TASP1: variants seen among roughly 807,000 people sequenced by gnomAD.
The protein encoded by TASP1 is threonine aspartase 1.
TASP1 carries 16 observed loss-of-function variants against 56.6 expected under a neutral mutation model. The ratio of observed to expected loss-of-function variants is 0.28; its 90% confidence interval spans 0.19 to 0.43. The LOEUF (loss-of-function observed/expected upper bound fraction) is 0.43. TASP1 is among the 20% of genes least tolerant of loss of function. TASP1 has a pLI of 1.00. For missense variants in TASP1, 393 were observed against 511.6 expected (o/e 0.77, Z 2.24); for synonymous variants, 179 against 184.2 (o/e 0.97, Z 0.23).
the TASP1 span, among the ~76,000 whole-genome samples, chr20:13,216,832 C>T: frequency 6.6e-6 from 1 of 152,072 alleles, no homozygotes; most frequent in Admixed American, 6.5e-5. Flanking sequence ...AAACATCCAG[C>T]CAGCAGACAG....
intron 10 of TASP1, among the ~76,000 whole-genome samples, chr20:13,515,035 C>T (rs1304111643): frequency 6.6e-6 from 1 of 152,114 alleles, no homozygotes; most frequent in African/African-American, 2.4e-5. Flanking sequence ...AAAATAAATA[C>T]ATTTGATTCA....
At chr20:13,216,268 C>A in the TASP1 span, among the ~76,000 whole-genome samples, 1 of 152,104 alleles carries the variant, frequency 6.6e-6, no homozygotes, top group East Asian at 1.9e-4. Context: ...ATTCTTAGCC[C>A]CAACTTACAG....
intron 11 of TASP1, among the ~76,000 whole-genome samples, chr20:13,473,111 G>A (rs1267475369): frequency 1.3e-5 from 2 of 152,120 alleles, no homozygotes; most frequent in African/African-American, 4.8e-5. Flanking sequence ...TGATAGACTG[G>A]ATTAAGAAAA....
intron 9 of TASP1, among the ~76,000 whole-genome samples, chr20:13,531,945 G>A (rs777529228): frequency 2.0e-5 from 3 of 152,168 alleles, no homozygotes; most frequent in Non-Finnish European, 2.9e-5. Flanking sequence ...AATTACAGGC[G>A]TGAGCCACTG....
At chr20:13,258,393 C>T in the TASP1 span, among the ~76,000 whole-genome samples, 3 of 152,130 alleles carry the variant, frequency 2.0e-5, no homozygotes, top group African/African-American at 4.8e-5. Context: ...TTTACTGGCC[C>T]TGGATACTAG....
chr20:13,362,103 GC>G, the TASP1 span, among the ~76,000 whole-genome samples: 3 of 149,326 alleles, frequency 2.0e-5, no homozygotes, highest in Non-Finnish European at 4.4e-5. Flanking sequence ...TTCCCACGCC[GC>G]CCCTAATCCC....
chr20:13,628,192 T>C (rs2048965373), intron 2 of TASP1, among the ~76,000 whole-genome samples: 1 of 152,238 alleles, frequency 6.6e-6, no homozygotes, highest in South Asian at 2.1e-4. Flanking sequence ...CATTATCATC[T>C]AGTCTGTGTC....
intron 13 of TASP1, chr20:13,393,654 C>T: frequency 7.7e-7 from 1 of 1,303,020 alleles, no homozygotes. Context: ...CCTCATGGCC[C>T]ACATGGCCTC....
At chr20:13,324,171 T>G in the TASP1 span, among the ~76,000 whole-genome samples, 1 of 152,202 alleles carries the variant, frequency 6.6e-6, no homozygotes, top group Non-Finnish European at 1.5e-5. Flanking sequence ...TCACGAATGC[T>G]TGTGTACCTG....
At chr20:13,474,629 C>A (rs2044651892) in intron 11 of TASP1, among the ~76,000 whole-genome samples, 1 of 151,972 alleles carries the variant, frequency 6.6e-6, no homozygotes, top group East Asian at 1.9e-4. Context: ...ATAATGACTT[C>A]ATTTCCTTTG....
At chr20:13,164,805 C>T in the TASP1 span, 41 of 1,613,652 alleles carry the variant, frequency 2.5e-5, no homozygotes, top group South Asian at 1.8e-4. Flanking sequence ...GAAATATTCC[C>T]GGCACAAGAA....
chr20:13,154,257 G>C, the TASP1 span: 2 of 1,312,218 alleles, frequency 1.5e-6, no homozygotes, highest in South Asian at 1.4e-5. Context: ...GAATTCACTC[G>C]TACGGCTTCT....
intron 12 of TASP1, among the ~76,000 whole-genome samples, chr20:13,421,953 C>CTTTTTT: frequency 7.2e-6 from 1 of 139,042 alleles, no homozygotes; most frequent in African/African-American, 2.7e-5. Context: ...TCTGTTTAAC[C>CTTTTTT]TTTTTTTTTT....
chr20:13,452,300 C>T (rs773843728), intron 11 of TASP1, among the ~76,000 whole-genome samples: 1 of 151,712 alleles, frequency 6.6e-6, no homozygotes, highest in Non-Finnish European at 1.5e-5. Context: ...GCAGTATCTG[C>T]TAAGCATAAT....
In TASP1 at chr20:13,584,374, A is replaced by G. The variant is rs74993431; in HGVS notation, c.403+2876T>C. On this transcript the variant is annotated intron_variant, in intron 5 of 13. Coordinates refer to ENST00000337743, the MANE Select transcript of TASP1 (RefSeq NM_017714.3). ...TGACAAACAAAAATGTTTAATTCCA[A>G]TATGATTAAGGACATTTATAAACAG... 3.3e-3 allele frequency among the ~76,000 whole-genome samples: 499 copies of G among 152,350 alleles called. 4 individuals carry two copies. The highest frequency in any genetic ancestry group is 0.011 in the African/African-American group (467 of 41,580).
intron 5 of TASP1, 90 bp from the exon 6 acceptor site, chr20:13,581,071 C>A: frequency 1.7e-6 from 2 of 1,151,936 alleles, no homozygotes; most frequent in Non-Finnish European, 2.5e-6. Flanking sequence ...AATAAAACAA[C>A]TTGAATATAT....
At chr20:13,320,785 G>T in the TASP1 span, among the ~76,000 whole-genome samples, 1 of 152,132 alleles carries the variant, frequency 6.6e-6, no homozygotes. Flanking sequence ...ATTTCAGCTA[G>T]CAAAAAAAGA....
At chr20:13,488,246 G>A (rs1209139143) in intron 10 of TASP1, among the ~76,000 whole-genome samples, 1 of 152,000 alleles carries the variant, frequency 6.6e-6, no homozygotes, top group Non-Finnish European at 1.5e-5. Flanking sequence ...ATCCTTAATT[G>A]TAACAGTTTG....
the TASP1 span, among the ~76,000 whole-genome samples, chr20:13,376,147 G>T: frequency 6.6e-6 from 1 of 152,110 alleles, no homozygotes; most frequent in Admixed American, 6.5e-5. Context: ...TGAACTCTTT[G>T]CCCATGCCTG....
Sources: allele counts gnomAD v4.1 joint callset (sites outside exome capture counted in the v4.1 genomes callset), GRCh38; gene constraint gnomAD v4.1.1; transcripts MANE v1.5; gene names NCBI Gene and HGNC (gene_info 2026-07-23, HGNC 2026-07-21).